The following LRMDA variants were observed in gnomAD, a reference collection of about 807,000 sequenced individuals.
The protein encoded by LRMDA is leucine-rich melanocyte differentiation-associated protein.
LRMDA carries 18 observed loss-of-function variants against 29.8 expected under a neutral mutation model. That is an observed-to-expected ratio of 0.60 (90% confidence interval 0.42 to 0.90). The LOEUF (loss-of-function observed/expected upper bound fraction) is 0.90. LRMDA is among the 40% of genes least tolerant of loss of function. The pLI is 0.00. For synonymous variants in LRMDA, 125 were observed against 109.4 expected, an observed-to-expected ratio of 1.14 and a Z score of -0.89; for missense variants, 273 against 273.9, an observed-to-expected ratio of 1.00 and a Z score of 0.02.
chr10:76,102,415 T>G (rs1241739684), intron 5 of LRMDA, among the ~76,000 whole-genome samples: 1 of 152,192 alleles, frequency 6.6e-6, no homozygotes, highest in Admixed American at 6.5e-5. Context: ...GTAGGCCCCA[T>G]TGTTGTTCCC....
intron 2 of LRMDA, among the ~76,000 whole-genome samples, chr10:75,495,117 T>C (rs551571631): frequency 1.1e-4 from 17 of 152,312 alleles, no homozygotes; most frequent in Middle Eastern, 3.4e-3. Context: ...CAATGTGCCC[T>C]GCTAAAATTT....
chr10:75,998,937 G>A (rs1847517368), intron 2 of LRMDA, among the ~76,000 whole-genome samples: 1 of 152,188 alleles, frequency 6.6e-6, no homozygotes, highest in Non-Finnish European at 1.5e-5. Flanking sequence ...GTGGGGCTGG[G>A]AGAGACCTCT....
At chr10:75,974,759 T>A (rs568876756) in intron 2 of LRMDA, among the ~76,000 whole-genome samples, 1 of 152,326 alleles carries the variant, frequency 6.6e-6, no homozygotes, top group East Asian at 1.9e-4. Context: ...CTAACTGCCA[T>A]CCTGTCCCCT....
intron 2 of LRMDA, among the ~76,000 whole-genome samples, chr10:75,763,599 C>T (rs892397508): frequency 2.0e-5 from 3 of 152,088 alleles, no homozygotes; most frequent in African/African-American, 4.8e-5. Flanking sequence ...AAACAGTTTA[C>T]GAGTTGAGTA....
At chr10:76,431,174 C>T (rs1842186856) in intron 6 of LRMDA, among the ~76,000 whole-genome samples, 1 of 152,096 alleles carries the variant, frequency 6.6e-6, no homozygotes, top group African/African-American at 2.4e-5. Context: ...AAAAAAAGAT[C>T]TAAATATTTT....
intron 6 of LRMDA, among the ~76,000 whole-genome samples, chr10:76,519,627 C>G (rs145851096): frequency 1.1e-3 from 162 of 152,210 alleles, no homozygotes; most frequent in African/African-American, 3.7e-3. Context: ...CAAAACTGTA[C>G]TAATTGAAAC....
At chr10:76,267,493 T>C (rs778183765) in intron 5 of LRMDA, among the ~76,000 whole-genome samples, 3 of 152,180 alleles carry the variant, frequency 2.0e-5, no homozygotes, top group Non-Finnish European at 4.4e-5. Context: ...TTCTCCACTT[T>C]CCAGCCCTGG....
rs547968187 is a variant in LRMDA, at chr10:76,350,113, A to G, written c.601+25628A>G. Among the ~76,000 whole-genome samples, 8 of 152,170 alleles carry G rather than the reference A, an allele frequency of 5.3e-5. No homozygotes were observed. The South Asian group carries it at 1.7e-3, about 32-fold the overall frequency. On this transcript the variant is annotated intron_variant, in intron 6 of 6. Transcript: ENST00000611255. ...GGGTCCTTACATTTTTGGCAAAACTAGGATGAAAACCATGAAAATGAAAAA... is the reference window on the plus strand; with the variant it reads ...GGGTCCTTACATTTTTGGCAAAACTGGGATGAAAACCATGAAAATGAAAAA...
At chr10:75,697,500 A>G (rs1165378131) in intron 2 of LRMDA, among the ~76,000 whole-genome samples, 1 of 148,184 alleles carries the variant, frequency 6.7e-6, no homozygotes, top group Non-Finnish European at 1.5e-5. Context: ...TTAGAGGAGC[A>G]TTCTTTTTTT....
intron 2 of LRMDA, among the ~76,000 whole-genome samples, chr10:75,509,797 C>G (rs1466560857): frequency 6.6e-6 from 1 of 152,176 alleles, no homozygotes; most frequent in African/African-American, 2.4e-5. Context: ...TGAATTTGCT[C>G]ACTTCTCATG....
intron 5 of LRMDA, among the ~76,000 whole-genome samples, chr10:76,283,452 C>T (rs906092735): frequency 1.9e-4 from 29 of 152,080 alleles, no homozygotes; most frequent in Non-Finnish European, 3.4e-4. Flanking sequence ...GATCGGATTT[C>T]AAGTAAGGGG....
chr10:75,495,022 T>A (rs975928812), intron 2 of LRMDA, among the ~76,000 whole-genome samples: 1 of 152,158 alleles, frequency 6.6e-6, no homozygotes, highest in Non-Finnish European at 1.5e-5. Flanking sequence ...AAGGAGTCTT[T>A]TTAGAAATCT....
intron 5 of LRMDA, among the ~76,000 whole-genome samples, chr10:76,225,790 A>G (rs1017700027): frequency 6.6e-6 from 1 of 151,160 alleles, no homozygotes; most frequent in African/African-American, 2.4e-5. Flanking sequence ...GGTTTGCTAC[A>G]TATGTATACA....
chr10:76,156,218 A>G (rs765921068), intron 5 of LRMDA, among the ~76,000 whole-genome samples: 1 of 152,146 alleles, frequency 6.6e-6, no homozygotes, highest in Non-Finnish European at 1.5e-5. Flanking sequence ...GCTTCTCCCA[A>G]GGAATCACAG....
chr10:75,466,465 T>C (rs1193856241), intron 2 of LRMDA, among the ~76,000 whole-genome samples: 1 of 152,228 alleles, frequency 6.6e-6, no homozygotes, highest in African/African-American at 2.4e-5. Context: ...CTGCTTTCTC[T>C]GGGTGCTGTG....
chr10:75,855,764 G>C (rs1191692601), intron 2 of LRMDA, among the ~76,000 whole-genome samples: 1 of 152,182 alleles, frequency 6.6e-6, no homozygotes, highest in African/African-American at 2.4e-5. Flanking sequence ...AAGGGATCTA[G>C]TTTCAGCTTT....
At chr10:75,812,601 C>T (rs112366570) in intron 2 of LRMDA, among the ~76,000 whole-genome samples, 13 of 152,256 alleles carry the variant, frequency 8.5e-5, no homozygotes, top group African/African-American at 2.4e-4. Flanking sequence ...TACAATTCTT[C>T]GTGAGTATGG....
At position 76,056,382 on chromosome 10, in the gene LRMDA, C is replaced by T. The variant is rs61396897; in HGVS notation, c.399-2284C>T. On this transcript the variant is annotated intron_variant, in intron 4 of 6. Coordinates refer to ENST00000611255, the MANE Select transcript of LRMDA (RefSeq NM_001305581.2). ...GGTAGCCCAGCCCCTATGCTTTAGG[C>T]CACCTCTGGCCTGATGGTGGGGTTT... 2.9e-3 allele frequency among the ~76,000 whole-genome samples: 436 copies of T among 152,350 alleles called. 1 individual carries two copies. The highest frequency in any genetic ancestry group is 0.01 in the African/African-American group (420 of 41,586).
At chr10:76,001,254 CAAAT>C (rs1296506535) in intron 2 of LRMDA, among the ~76,000 whole-genome samples, 1 of 152,166 alleles carries the variant, frequency 6.6e-6, no homozygotes, top group Non-Finnish European at 1.5e-5. Flanking sequence ...CAAACACAAA[CAAAT>C]AAAAATGAAG....
Sources: allele counts gnomAD v4.1 joint callset (sites outside exome capture counted in the v4.1 genomes callset), GRCh38; gene constraint gnomAD v4.1.1; transcripts MANE v1.5; gene names NCBI Gene and HGNC (gene_info 2026-07-23, HGNC 2026-07-21).